Variants in GTF2E2 observed in about 807,000 individuals in gnomAD.
The protein encoded by GTF2E2 is transcription initiation factor IIE subunit beta.
GTF2E2 carries 21 observed loss-of-function variants against 40.5 expected under a neutral mutation model. The ratio of observed to expected loss-of-function variants is 0.52; its 90% CI spans 0.37 to 0.75. The LOEUF (loss-of-function observed/expected upper bound fraction) is 0.75. Among genes scored for constraint, GTF2E2 ranks in the 30% least tolerant of loss-of-function variants. The pLI, the probability that GTF2E2 is intolerant of heterozygous loss-of-function variation, is 0.00. For missense variants in GTF2E2, 298 were observed against 338.4 expected (o/e 0.88, Z 0.94); for synonymous variants, 117 against 121.6 (o/e 0.96, Z 0.25).
intron 2 of GTF2E2, among the ~76,000 whole-genome samples, chr8:30,635,764 A>G (rs931506571): frequency 1.3e-5 from 2 of 152,148 alleles, no homozygotes; most frequent in African/African-American, 4.8e-5. Context: ...AAACAAGGAA[A>G]CAATACAAAC....
At chr8:30,620,274 G>T (rs999203134) in intron 3 of GTF2E2, among the ~76,000 whole-genome samples, 4 of 132,252 alleles carry the variant, frequency 3.0e-5, no homozygotes, top group African/African-American at 1.1e-4. Context: ...ACACACACAC[G>T]TATACATACA....
At chr8:30,656,809 GAAAAAAAA>G (rs370990168) in intron 1 of GTF2E2, 1 of 110,210 alleles carries the variant, frequency 9.1e-6, no homozygotes, top group South Asian at 3.0e-4. Flanking sequence ...CTCCGTCTCA[GAAAAAAAA>G]AAAAAAAAAA....
intron 6 of GTF2E2, among the ~76,000 whole-genome samples, chr8:30,593,117 C>G (rs1392711891): frequency 6.6e-6 from 1 of 152,146 alleles, no homozygotes; most frequent in African/African-American, 2.4e-5. Context: ...TCACTTGAAC[C>G]CGGGAGGAGG....
At chr8:30,587,109 G>A (rs1232521004) in intron 6 of GTF2E2, among the ~76,000 whole-genome samples, 1 of 152,142 alleles carries the variant, frequency 6.6e-6, no homozygotes, top group Non-Finnish European at 1.5e-5. Context: ...ATCTAATATG[G>A]GTTTAATATA....
chr8:30,643,833 G>T (rs1801953671), intron 2 of GTF2E2: 2 of 151,854 alleles, frequency 1.3e-5, no homozygotes, highest in South Asian at 4.2e-4. Flanking sequence ...AAAGTACATG[G>T]GGTTCATACT....
At chr8:30,618,094 C>A (rs1457030417) in intron 3 of GTF2E2, among the ~76,000 whole-genome samples, 2 of 152,106 alleles carry the variant, frequency 1.3e-5, no homozygotes, top group African/African-American at 4.8e-5. Context: ...GCCAGGAGTT[C>A]AAGACCAGCC....
intron 1 of GTF2E2, chr8:30,656,774 C>CT (rs1262798600): frequency 7.0e-6 from 1 of 141,878 alleles, no homozygotes; most frequent in Non-Finnish European, 1.5e-5. Flanking sequence ...CGCCACTGCA[C>CT]TCCAGCCCGG....
At chr8:30,586,840 C>T (rs1828701227) in intron 6 of GTF2E2, among the ~76,000 whole-genome samples, 1 of 152,166 alleles carries the variant, frequency 6.6e-6, no homozygotes, top group Non-Finnish European at 1.5e-5. Context: ...TGTCTCACAC[C>T]ATATAGAAAA....
chr8:30,658,153 G>GGCGGCGGCA lies in GTF2E2; in HGVS notation c.-194_-186dup, dbSNP rs1294953764. The GGCGGCGGCA allele has an allele frequency of 2.6e-5, 5 of 195,876 alleles. No individual in the cohort carries two copies. The highest frequency in any genetic ancestry group is 3.4e-4 in the East Asian group (2 of 5,848). The allele number at this position is 195,876 out of a possible 1,614,324, so 12.1% of individuals were successfully genotyped here. A position where few individuals can be genotyped will look rare whatever the true frequency, so the allele number is the denominator to read the frequency against. On this transcript the variant is annotated 5_prime_UTR_variant, in exon 1 of 8. Transcript: ENST00000355904. ...TCTCACCACTGGCGGTGGCGGCGGCGGCGGCGGCAGCGGCGGTAGCTGAGG... is the reference window on the plus strand; with the variant it reads ...TCTCACCACTGGCGGTGGCGGCGGCGGCGGCGGCAGCGGCGGCAGCGGCGGTAGCTGAGG...
chr8:30,624,300 T>G (rs1488553055), intron 3 of GTF2E2, among the ~76,000 whole-genome samples: 1 of 152,146 alleles, frequency 6.6e-6, no homozygotes, highest in Non-Finnish European at 1.5e-5. Flanking sequence ...TTTGTCAGGT[T>G]TGTCGAAGAT....
chr8:30,607,275 T>TAGGGTCCA, intron 5 of GTF2E2, 125 bp from the exon 6 acceptor site: 3 of 435,820 alleles, frequency 6.9e-6, no homozygotes, highest in Non-Finnish European at 1.2e-5. Context: ...CATAGGGTCC[T>TAGGGTCCA]CCACCATAGG....
intron 6 of GTF2E2, among the ~76,000 whole-genome samples, chr8:30,598,702 G>A (rs1358317242): frequency 1.3e-5 from 2 of 152,152 alleles, no homozygotes; most frequent in Non-Finnish European, 2.9e-5. Context: ...AAATACTTAA[G>A]ATGAATACTG....
intron 2 of GTF2E2, chr8:30,637,366 G>A: frequency 2.2e-6 from 1 of 446,586 alleles, no homozygotes; most frequent in South Asian, 1.6e-5. Flanking sequence ...GAGACATGAT[G>A]CTTATGTCTC....
At chr8:30,636,797 G>A (rs1026652780) in intron 2 of GTF2E2, 4 of 274,408 alleles carry the variant, frequency 1.5e-5, no homozygotes, top group East Asian at 2.4e-4. Context: ...AGGTTGCAGT[G>A]AGCCGAGATA....
intron 2 of GTF2E2, among the ~76,000 whole-genome samples, chr8:30,639,891 C>T (rs2128725407): frequency 6.6e-6 from 1 of 151,762 alleles, no homozygotes; most frequent in Middle Eastern, 3.4e-3. Flanking sequence ...AGGTTCAGCA[C>T]AGTGGGGTTA....
intron 2 of GTF2E2, among the ~76,000 whole-genome samples, chr8:30,651,718 CA>C (rs1276048052): frequency 6.6e-6 from 1 of 152,142 alleles, no homozygotes; most frequent in African/African-American, 2.4e-5. Context: ...GGCTTTTTTG[CA>C]AATGTTGATA....
Position 30,612,496 on chromosome 8 carries a change from C to G in GTF2E2, c.367-15G>C. On this transcript the variant is annotated splice_polypyrimidine_tract_variant and intron_variant, in intron 4 of 7. Transcript: ENST00000355904. ...TTGACTAAAGCCTGTAACAGTGATA[C>G]AATTGGAATATATTAACAAATGGAA... 6.8e-7 allele frequency: 1 copy of G among 1,471,162 alleles called. No individual in the cohort carries two copies. The highest frequency in any genetic ancestry group is 9.4e-7 in the Non-Finnish European group (1 of 1,059,758). The allele number at this position is 1,471,162 out of a possible 1,614,324, so 91.1% of individuals were successfully genotyped here. A position where few individuals can be genotyped will look rare whatever the true frequency, so the allele number is the denominator to read the frequency against.
At chr8:30,604,449 T>G (rs757299414) in intron 6 of GTF2E2, among the ~76,000 whole-genome samples, 7 of 152,196 alleles carry the variant, frequency 4.6e-5, no homozygotes, top group Admixed American at 1.3e-4. Flanking sequence ...AAAAAATACA[T>G]AGCCAATGTG....
intron 6 of GTF2E2, among the ~76,000 whole-genome samples, chr8:30,602,034 T>C (rs1045302088): frequency 5.3e-5 from 8 of 151,822 alleles, no homozygotes; most frequent in Non-Finnish European, 1.0e-4. Context: ...TTTTTTTTTT[T>C]TGAGACAGAG....
Sources: gnomAD v4.1 joint callset for allele counts (sites outside exome capture counted in the v4.1 genomes callset) on GRCh38, gnomAD v4.1.1 for gene constraint, MANE v1.5 for transcripts, NCBI Gene and HGNC (gene_info 2026-07-23, HGNC 2026-07-21) for gene names.